TESMIN: variants seen among roughly 807,000 people sequenced by gnomAD.
TESMIN encodes the protein testis expressed metallothionein like protein, also known as CXC domain containing 2.
Under a neutral mutation model 47.4 loss-of-function variants are expected in TESMIN, and 34 were observed. The ratio of observed to expected loss-of-function variants is 0.72; its 90% CI spans 0.55 to 0.96. TESMIN has a LOEUF of 0.96. Ranked by LOEUF, TESMIN falls within the 40% of genes least tolerant of loss-of-function variation. The pLI is 0.00. For missense variants in TESMIN, 610 were observed against 637.2 expected, an observed-to-expected ratio of 0.96 and a Z score of 0.46; for synonymous variants, 278 against 258.9, an observed-to-expected ratio of 1.07 and a Z score of -0.71.
intron 6 of TESMIN, among the ~76,000 whole-genome samples, chr11:68,732,292 C>T (rs1364613098): frequency 6.6e-6 from 1 of 152,240 alleles, no homozygotes; most frequent in Non-Finnish European, 1.5e-5. Flanking sequence ...AGCTAGGAAG[C>T]TGCTTCTAGA....
chr11:68,718,568 C>T (rs942955722), intron 6 of TESMIN, among the ~76,000 whole-genome samples: 4 of 152,030 alleles, frequency 2.6e-5, no homozygotes, highest in Non-Finnish European at 1.5e-5. Context: ...GAAGGGGATA[C>T]AATAATTCCA....
At chr11:68,741,482 T>C (rs1477084175) in intron 5 of TESMIN, among the ~76,000 whole-genome samples, 1 of 152,216 alleles carries the variant, frequency 6.6e-6, no homozygotes, top group Non-Finnish European at 1.5e-5. Context: ...TCCTCTGCTC[T>C]CCTAACAGAT....
chr11:68,741,733 G>A (rs1946459399), intron 5 of TESMIN, among the ~76,000 whole-genome samples: 1 of 152,128 alleles, frequency 6.6e-6, no homozygotes, highest in African/African-American at 2.4e-5. Context: ...GCATTCTTGT[G>A]GGTGGATGCA....
intron 6 of TESMIN, among the ~76,000 whole-genome samples, chr11:68,723,736 G>A (rs1594290613): frequency 1.3e-5 from 2 of 152,158 alleles, no homozygotes; most frequent in African/African-American, 4.8e-5. Context: ...TTTAAATATA[G>A]AATATATGAA....
intron 6 of TESMIN, among the ~76,000 whole-genome samples, chr11:68,719,069 A>G: frequency 6.6e-6 from 1 of 152,132 alleles, no homozygotes; most frequent in African/African-American, 2.4e-5. Flanking sequence ...AAGCTGGTGA[A>G]CCCCTTAGCA....
rs147387719 is a variant in TESMIN, at chr11:68,747,131, G to T, written c.630+77C>A. On this transcript the variant is annotated intron_variant, in intron 3 of 9. Coordinates refer to ENST00000255087, the MANE Select transcript of TESMIN (RefSeq NM_004923.3). ...ACGTGAAATGAAAAACGAGTGAAATGATCAGTCGACTTAGTAATGATGGGG... is the reference window on the plus strand; with the variant it reads ...ACGTGAAATGAAAAACGAGTGAAATTATCAGTCGACTTAGTAATGATGGGG... 1.1e-4 allele frequency: 164 copies of T among 1,478,686 alleles called. 2 individuals are homozygous for T. In the African/African-American group the frequency reaches 2.0e-3, roughly 18 times the overall value. The allele number at this position is 1,478,686 out of a possible 1,614,324, so 91.6% of individuals were successfully genotyped here. A position where few individuals can be genotyped will look rare whatever the true frequency, so the allele number is the denominator to read the frequency against.
chr11:68,737,731 G>T, intron 6 of TESMIN: 1 of 912,422 alleles, frequency 1.1e-6, no homozygotes, highest in Non-Finnish European at 1.3e-6. Context: ...GGCCAACATG[G>T]TAAAACCCAG....
intron 6 of TESMIN, among the ~76,000 whole-genome samples, chr11:68,719,356 G>A (rs1421377176): frequency 6.6e-6 from 1 of 152,210 alleles, no homozygotes. Context: ...GCAGGGACCA[G>A]AGTTTTCATC....
intron 9 of TESMIN, chr11:68,710,655 C>T (rs1270450048): frequency 5.9e-6 from 3 of 510,542 alleles, no homozygotes; most frequent in East Asian, 3.3e-5. Context: ...GATGAGAAGA[C>T]AAAGAGGACA....
At chr11:68,737,347 A>C in intron 6 of TESMIN, 1 of 985,582 alleles carries the variant, frequency 1.0e-6, no homozygotes. Context: ...CCACTGCAGA[A>C]ACTGAAGCAG....
downstream of TESMIN, among the ~76,000 whole-genome samples, chr11:68,705,126 CGCACAGCCGGCCCCAT>C (rs1337738952): frequency 6.6e-6 from 1 of 152,184 alleles, no homozygotes; most frequent in African/African-American, 2.4e-5. Flanking sequence ...GCACGGAGAC[CGCACAGCCGGCCCCAT>C]GCACAAAGCT....
At chr11:68,734,486 G>A (rs946466926) in intron 6 of TESMIN, among the ~76,000 whole-genome samples, 2 of 152,222 alleles carry the variant, frequency 1.3e-5, no homozygotes, top group Non-Finnish European at 2.9e-5. Context: ...GGAGGGGCAC[G>A]TGTACAAAAC....
rs1946019262 is a variant in TESMIN, at chr11:68,708,212, T to C, written c.*96A>G. On this transcript the variant is annotated 3_prime_UTR_variant, in exon 10 of 10. Transcript: ENST00000255087. ...CCAGGGATGCAGGGGAGCCTGGTTG[T>C]TGCTGCAGAGCCAGCCTCATGTTCC... 1.6e-6 allele frequency: 2 copies of C among 1,263,196 alleles called. No individual in the cohort carries two copies. The highest frequency in any genetic ancestry group is 1.5e-5 in the African/African-American group (1 of 66,502). 78.2% of individuals were successfully genotyped at this position (1,263,196 alleles called of 1,614,324 possible). A position where few individuals can be genotyped will look rare whatever the true frequency, so the allele number is the denominator to read the frequency against.
chr11:68,738,242 T>G lies in TESMIN; in HGVS notation c.917+458A>C, dbSNP rs147667953. The G allele has an allele frequency of 1.6e-4, 156 of 994,616 alleles. No individual in the cohort carries two copies. The African/African-American group carries it at 2.6e-3, about 16-fold the overall frequency. The allele number at this position is 994,616 out of a possible 1,614,324, so 61.6% of individuals were successfully genotyped here. On this transcript the variant is annotated intron_variant, in intron 6 of 9. Coordinates refer to ENST00000255087, the MANE Select transcript of TESMIN (RefSeq NM_004923.3). ...TGAAGACAGATCATGCATTAGCACC[T>G]GCCATAGAGCTCGAGCCAACTCAGC...
In TESMIN at chr11:68,730,080, C is replaced by T. The variant is rs565875317; in HGVS notation, c.917+8620G>A. Among the ~76,000 whole-genome samples the T allele has an allele frequency of 3.9e-5, 6 of 152,272 alleles. No homozygotes were observed. The South Asian group carries it at 8.3e-4, about 21-fold the overall frequency. On this transcript the variant is annotated intron_variant, in intron 6 of 9. Transcript: ENST00000255087. ...CTCCACCAGCTAGAAGATGACAACTCGCTGAAGGCTCAGATGATTGTTAGC... is the reference window on the plus strand; with the variant it reads ...CTCCACCAGCTAGAAGATGACAACTTGCTGAAGGCTCAGATGATTGTTAGC...
chr11:68,718,772 G>A (rs1946171282), intron 6 of TESMIN, among the ~76,000 whole-genome samples: 1 of 152,186 alleles, frequency 6.6e-6, no homozygotes, highest in Non-Finnish European at 1.5e-5. Context: ...GAAAAACAAT[G>A]ATGTTAAAAT....
In TESMIN at chr11:68,744,992, T is replaced by C; in HGVS notation, c.750A>G (p.Ser250=). Residue 250 remains serine (S), a splice_region_variant and synonymous_variant, in exon 4 of 10, where the codon TCA becomes TCG. Coordinates refer to ENST00000255087, the MANE Select transcript of TESMIN (RefSeq NM_004923.3). ...TTTTTTTATTAATTAACTTTGTACC[T>C]GACTGTAGATAATTATTTTGATCTT... ...QYQDQNNYLQ[S]DVPKPMTALV... is the part of the protein sequence containing the mutation. 1.3e-6 allele frequency: 2 copies of C among 1,558,180 alleles called. No individual in the cohort carries two copies. Among genetic ancestry groups the C allele is most frequent in the Non-Finnish European group, 1.7e-6 (2 of 1,159,092 alleles).
chr11:68,735,089 G>A (rs1180208769), intron 6 of TESMIN, among the ~76,000 whole-genome samples: 2 of 152,254 alleles, frequency 1.3e-5, no homozygotes, highest in African/African-American at 2.4e-5. Context: ...GCTGAATGCT[G>A]TATTAATTGA....
chr11:68,745,244 G>A, intron 3 of TESMIN, 133 bp from the exon 4 acceptor site: 1 of 684,142 alleles, frequency 1.5e-6, no homozygotes, highest in Non-Finnish European at 2.1e-6. Flanking sequence ...GAAAACTATA[G>A]ATCTGTTTTC....
Sources: allele counts gnomAD v4.1 joint callset (sites outside exome capture counted in the v4.1 genomes callset), GRCh38; gene constraint gnomAD v4.1.1; transcripts MANE v1.5; gene names NCBI Gene and HGNC (gene_info 2026-07-23, HGNC 2026-07-21).